PRAG1: variants seen among roughly 807,000 people sequenced by gnomAD.
PRAG1 encodes the protein PEAK1 related, kinase-activating pseudokinase 1, also known as inactive tyrosine-protein kinase PRAG1.
Under a neutral mutation model 95.6 loss-of-function variants are expected in PRAG1, and 110 were observed. That is an observed-to-expected ratio of 1.15 (90% CI 0.99 to 1.35). The LOEUF (loss-of-function observed/expected upper bound fraction) is 1.35, where lower values mean the gene tolerates loss of function less well. Among genes scored for constraint, PRAG1 ranks in the 40% most tolerant of loss-of-function variants. The pLI, the probability that PRAG1 is intolerant of heterozygous loss-of-function variation, is 0.00. For synonymous variants in PRAG1, 1,052 were observed against 819.4 expected (o/e 1.28, Z -4.85); for missense variants, 2,554 against 1,864.7 (o/e 1.37, Z -6.81).
At chr8:8,321,996 C>A (rs1339703088) in intron 5 of PRAG1, among the ~76,000 whole-genome samples, 1 of 152,138 alleles carries the variant, frequency 6.6e-6, no homozygotes, top group Non-Finnish European at 1.5e-5. Flanking sequence ...GTTTAACATA[C>A]CTTGTTGAGT....
Position 8,377,760 on chromosome 8 carries a change from T to A in PRAG1, c.649A>T (p.Thr217Ser). 6.2e-7 allele frequency: 1 copy of A among 1,614,062 alleles called. No individual in the cohort carries two copies. The highest frequency in any genetic ancestry group is 8.5e-7 in the Non-Finnish European group (1 of 1,180,022). ...FRQKLAAFAG[T>S]TSGCHQGPGP... ...GGGCCCTGGTGACAGCCAGATGTGG[T>A]CCCAGCAAAGGCAGCCAGTTTCTGG... The change falls in exon 3 of 6, where the codon ACC becomes TCC. Residue 217 changes from threonine (T) to serine (S), a missense_variant. Coordinates refer to ENST00000615670, the MANE Select transcript of PRAG1 (RefSeq NM_001080826.3).
At chr8:8,338,807 T>G (rs1799073744) in intron 4 of PRAG1, among the ~76,000 whole-genome samples, 1 of 152,188 alleles carries the variant, frequency 6.6e-6, no homozygotes, top group Non-Finnish European at 1.5e-5. Flanking sequence ...TCCAACATGC[T>G]AACGCAAGTC....
Position 8,327,859 on chromosome 8 carries a change from T to C in PRAG1, c.2923A>G (p.Met975Val), listed in dbSNP as rs767658390. The C allele has an allele frequency of 1.9e-6, 3 of 1,614,198 alleles. No individual in the cohort carries two copies. In the South Asian group the frequency reaches 3.3e-5, roughly 18 times the overall value. ...TGGAGCTCCTTTTTCTGGCCGCCCA[T>C]GAAGAGGTCCTCACATTTGGCTACA... is the stretch of plus-strand genomic sequence containing the variant. Reference protein sequence around the residue: ...RLVAKCEDLFMGGQKKELHFN... With the variant: ...RLVAKCEDLFVGGQKKELHFN... Residue 975 changes from methionine (M) to valine (V), a missense_variant, in exon 5 of 6, where the codon ATG (methionine) becomes GTG (valine). Physicochemically the swap from Met to Val is conservative, Grantham distance 21 (BLOSUM62 1). Transcript: ENST00000615670.
At chr8:8,320,978 A>AT (rs1798454911) in intron 5 of PRAG1, among the ~76,000 whole-genome samples, 1 of 152,268 alleles carries the variant, frequency 6.6e-6, no homozygotes, top group South Asian at 2.1e-4. Flanking sequence ...CAGAATGGTA[A>AT]TAAAAAGGAA....
At chr8:8,381,971 C>T in intron 1 of PRAG1, 137 bp from the exon 2 acceptor site, 1 of 478,812 alleles carries the variant, frequency 2.1e-6, no homozygotes, top group Non-Finnish European at 3.7e-6. Flanking sequence ...TATTTTGGGA[C>T]CCTCGCCCAT....
chr8:8,322,158 T>C (rs558416410), intron 5 of PRAG1, among the ~76,000 whole-genome samples: 1 of 152,248 alleles, frequency 6.6e-6, no homozygotes, highest in Non-Finnish European at 1.5e-5. Context: ...GCCATTTTAT[T>C]TTATATATAT....
chr8:8,349,860 T>G (rs1179242403), intron 3 of PRAG1, among the ~76,000 whole-genome samples: 1 of 151,986 alleles, frequency 6.6e-6, no homozygotes, highest in Non-Finnish European at 1.5e-5. Flanking sequence ...AGCCCTTTGT[T>G]TTAACTTCAT....
At chr8:8,352,665 T>C (rs1799560899) in intron 3 of PRAG1, among the ~76,000 whole-genome samples, 1 of 152,226 alleles carries the variant, frequency 6.6e-6, no homozygotes, top group African/African-American at 2.4e-5. Context: ...TTGGTCTGCA[T>C]TATTTTAGTT....
At chr8:8,332,958 C>G (rs1798870398) in intron 4 of PRAG1, among the ~76,000 whole-genome samples, 1 of 151,982 alleles carries the variant, frequency 6.6e-6, no homozygotes, top group African/African-American at 2.4e-5. Context: ...ACAAATATAC[C>G]CTGACACCTA....
At chr8:8,351,531 G>A (rs1799522650) in intron 3 of PRAG1, among the ~76,000 whole-genome samples, 1 of 152,082 alleles carries the variant, frequency 6.6e-6, no homozygotes, top group Non-Finnish European at 1.5e-5. Flanking sequence ...AGATCTGCAA[G>A]GAAAGATAAA....
chr8:8,339,262 C>T (rs776427013), intron 4 of PRAG1, among the ~76,000 whole-genome samples: 4 of 152,228 alleles, frequency 2.6e-5, no homozygotes, highest in Non-Finnish European at 5.9e-5. Context: ...CACGTCCACA[C>T]TCTTATAATT....
chr8:8,345,217 G>C (rs1799296794), intron 3 of PRAG1, among the ~76,000 whole-genome samples: 3 of 151,824 alleles, frequency 2.0e-5, no homozygotes, highest in African/African-American at 7.3e-5. Context: ...GAGAAATCCA[G>C]CTTCCTGCCA....
At position 8,381,448 on chromosome 8, in the gene PRAG1, T is replaced by C. The variant is rs768482303; in HGVS notation, c.300A>G (p.Thr100=). Residue 100 remains threonine, a synonymous_variant, in exon 2 of 6, where the codon ACA becomes ACG. Transcript: ENST00000615670. ...AGACTTCGGCACTCAGGTTGGCCTC[T>C]GTCCACACATCAGAGGCCTCGGAGC... is the stretch of plus-strand genomic sequence containing the variant. ...MMSSEASDVW[T]EANLSAEVSQ... The C allele has an allele frequency of 2.5e-6, 4 of 1,612,464 alleles. No homozygotes were observed. In the Admixed American group the frequency reaches 6.7e-5, roughly 27 times the overall value.
chr8:8,363,088 C>T (rs28578995), intron 3 of PRAG1, among the ~76,000 whole-genome samples: 31,881 of 147,034 alleles, frequency 0.22, 4,120 homozygotes, highest in African/African-American at 0.36. Context: ...TATATGTGTG[C>T]GTGTGTATAT....
chr8:8,337,474 G>C (rs1055044704), intron 4 of PRAG1, among the ~76,000 whole-genome samples: 9 of 151,580 alleles, frequency 5.9e-5, no homozygotes, highest in Admixed American at 2.0e-4. Flanking sequence ...AAAAAGAAGA[G>C]AGAGAGAGAG....
In PRAG1 at chr8:8,318,938, A is replaced by G. The variant is rs1233610834; in HGVS notation, c.3437T>C (p.Leu1146Pro). ...CACCAGCAGCAGGTTCTCCAGGCAC[A>G]GGTCCCGGTGGATGATCCCGTGCTC... ...LKEHGIIHRD[L>P]CLENLLLVHC... is the part of the protein sequence containing the mutation. The change falls in exon 6 of 6, where the codon CTG becomes CCG. Residue 1146 changes from leucine to proline, a missense_variant. Coordinates refer to ENST00000615670, the MANE Select transcript of PRAG1 (RefSeq NM_001080826.3). This position sits in a 1 kb window ranked among gnomAD's most constrained non-coding sequence, Gnocchi z 4.2. The G allele has an allele frequency of 6.2e-7, 1 of 1,611,654 alleles. No homozygotes were observed. The highest frequency in any genetic ancestry group is 2.2e-5 in the East Asian group (1 of 44,744).
At position 8,356,846 on chromosome 8, in the gene PRAG1, G is replaced by A. The variant is rs538805915; in HGVS notation, c.2163-17211C>T. On this transcript the variant is annotated intron_variant, in intron 3 of 5. Coordinates refer to ENST00000615670, the MANE Select transcript of PRAG1 (RefSeq NM_001080826.3). ...CTAGCATATAGACATATAGACTAAT[G>A]TAATAGACTAGAACGTCCAGAAACA... 2.0e-5 allele frequency among the ~76,000 whole-genome samples: 3 copies of A among 152,276 alleles called. No homozygotes were observed. The East Asian group carries it at 5.8e-4, about 29-fold the overall frequency.
At position 8,361,843 on chromosome 8, in the gene PRAG1, G is replaced by T. The variant is rs536399021; in HGVS notation, c.2162+14404C>A. 3.3e-5 allele frequency among the ~76,000 whole-genome samples: 5 copies of T among 152,220 alleles called. No individual in the cohort carries two copies. In the South Asian group the frequency reaches 1.0e-3, roughly 32 times the overall value. On this transcript the variant is annotated intron_variant, in intron 3 of 5. Coordinates refer to ENST00000615670, the MANE Select transcript of PRAG1 (RefSeq NM_001080826.3). ...ACTTAATCATCTACTGCTTCTTTTT[G>T]AATTTAGTTGTTTCATTATCTTACC...
At chr8:8,379,526 C>T (rs896418086) in intron 2 of PRAG1, among the ~76,000 whole-genome samples, 6 of 152,118 alleles carry the variant, frequency 3.9e-5, no homozygotes, top group Non-Finnish European at 7.3e-5. Flanking sequence ...CAGAGCAGCC[C>T]GGAAGGGGAC....
Sources: gnomAD v4.1 joint callset for allele counts (sites outside exome capture counted in the v4.1 genomes callset) on GRCh38, gnomAD v4.1.1 for gene constraint, Gnocchi (gnomAD v3.1) non-coding constraint, MANE v1.5 for transcripts, NCBI Gene and HGNC (gene_info 2026-07-23, HGNC 2026-07-21) for gene names.